Variants in CNTNAP2 observed in about 807,000 individuals in gnomAD.
CNTNAP2 encodes contactin associated protein 2.
Under a neutral mutation model 155.2 loss-of-function variants are expected in CNTNAP2, and 98 were observed. The ratio of observed to expected loss-of-function variants is 0.63; its 90% CI spans 0.54 to 0.75. CNTNAP2 has a LOEUF of 0.75. Ranked by LOEUF, CNTNAP2 falls within the 30% of genes least tolerant of loss-of-function variation. The pLI, the probability that CNTNAP2 is intolerant of heterozygous loss-of-function variation, is 0.00. For missense variants in CNTNAP2, 1,727 were observed against 1,688.1 expected (o/e 1.02, Z -0.40); for synonymous variants, 651 against 631.2 (o/e 1.03, Z -0.47).
intron 1 of CNTNAP2, among the ~76,000 whole-genome samples, chr7:146,534,236 A>AT (rs1257155114): frequency 2.6e-5 from 4 of 151,974 alleles, no homozygotes; most frequent in Non-Finnish European, 4.4e-5. Context: ...ATTGAACTTG[A>AT]TTTTTTTCTG....
intron 11 of CNTNAP2, among the ~76,000 whole-genome samples, chr7:147,510,849 C>CCATATA (rs1799003404): frequency 5.4e-5 from 1 of 18,590 alleles, no homozygotes; most frequent in African/African-American, 3.6e-4. Flanking sequence ...GGGCCTACAA[C>CCATATA]CATATATATA....
intron 3 of CNTNAP2, among the ~76,000 whole-genome samples, chr7:146,968,022 G>A (rs990743357): frequency 2.9e-5 from 4 of 139,020 alleles, no homozygotes; most frequent in East Asian, 1.9e-4. Flanking sequence ...AGCATGAAGC[G>A]GTGTTGAATT....
intron 10 of CNTNAP2, among the ~76,000 whole-genome samples, chr7:147,438,579 G>T (rs933255856): frequency 6.6e-6 from 1 of 151,804 alleles, no homozygotes; most frequent in Non-Finnish European, 1.5e-5. Context: ...TCTGGTTTTG[G>T]AATCAGGGTA....
chr7:148,304,040 C>G (rs1026652998), intron 21 of CNTNAP2, among the ~76,000 whole-genome samples: 2 of 152,238 alleles, frequency 1.3e-5, no homozygotes, highest in African/African-American at 4.8e-5. Flanking sequence ...TGCAACCTCC[C>G]TCCCTCTAGA....
chr7:146,276,634 G>A (rs1800169319), intron 1 of CNTNAP2, among the ~76,000 whole-genome samples: 1 of 152,164 alleles, frequency 6.6e-6, no homozygotes, highest in African/African-American at 2.4e-5. Flanking sequence ...GGCTGCTGAA[G>A]CCATAGCCTG....
chr7:148,198,565 C>A (rs571881113), intron 18 of CNTNAP2, among the ~76,000 whole-genome samples: 1 of 152,110 alleles, frequency 6.6e-6, no homozygotes. Flanking sequence ...GGATTGTGAC[C>A]GTATGTGTCC....
intron 9 of CNTNAP2, among the ~76,000 whole-genome samples, chr7:147,333,684 C>T (rs2620473): frequency 0.79 from 120,370 of 152,048 alleles, 48,329 homozygotes; most frequent in African/African-American, 0.93. Context: ...TTTTTCAAAA[C>T]AATTGGTTAA....
At chr7:146,518,669 A>G (rs1265649019) in intron 1 of CNTNAP2, among the ~76,000 whole-genome samples, 2 of 151,888 alleles carry the variant, frequency 1.3e-5, no homozygotes, top group Non-Finnish European at 2.9e-5. Context: ...AGGAGCATAA[A>G]CAGAGTGTAT....
chr7:146,668,267 T>A (rs926443892), intron 1 of CNTNAP2, among the ~76,000 whole-genome samples: 11 of 152,184 alleles, frequency 7.2e-5, no homozygotes, highest in African/African-American at 2.7e-4. Flanking sequence ...TAATGTATGA[T>A]GTTTATTGAT....
intron 13 of CNTNAP2, among the ~76,000 whole-genome samples, chr7:147,828,383 C>T (rs1384706327): frequency 6.6e-6 from 1 of 152,136 alleles, no homozygotes; most frequent in Admixed American, 6.5e-5. Flanking sequence ...GTAAAATGAG[C>T]CTCATAGAGG....
At chr7:146,541,159 G>C (rs1183186303) in intron 1 of CNTNAP2, among the ~76,000 whole-genome samples, 1 of 151,984 alleles carries the variant, frequency 6.6e-6, no homozygotes, top group Non-Finnish European at 1.5e-5. Flanking sequence ...GCTAAGGAAT[G>C]AATACAGAAT....
intron 13 of CNTNAP2, among the ~76,000 whole-genome samples, chr7:147,721,901 A>G (rs1279604752): frequency 2.0e-5 from 3 of 152,128 alleles, no homozygotes; most frequent in African/African-American, 7.2e-5. Context: ...TTCTAACTTC[A>G]TAGGCAATTG....
intron 13 of CNTNAP2, among the ~76,000 whole-genome samples, chr7:147,708,670 A>G (rs1796355034): frequency 6.6e-6 from 1 of 152,014 alleles, no homozygotes; most frequent in Non-Finnish European, 1.5e-5. Context: ...GGGGTCACTC[A>G]CTTACCCTTT....
chr7:146,157,329 G>C (rs199936214), intron 1 of CNTNAP2, among the ~76,000 whole-genome samples: 4 of 152,200 alleles, frequency 2.6e-5, no homozygotes, highest in Non-Finnish European at 5.9e-5. Context: ...AGCTCCCAGC[G>C]TGAGCAACGC....
chr7:146,139,169 C>A (rs867359197), intron 1 of CNTNAP2, among the ~76,000 whole-genome samples: 3 of 152,070 alleles, frequency 2.0e-5, no homozygotes, highest in Non-Finnish European at 2.9e-5. Flanking sequence ...TTCCTCCCAG[C>A]ATGTGAGAAA....
chr7:146,807,134 A>G (rs1802982324), intron 2 of CNTNAP2, among the ~76,000 whole-genome samples: 2 of 152,210 alleles, frequency 1.3e-5, no homozygotes, highest in African/African-American at 4.8e-5. Context: ...CATTTATTAT[A>G]AAACATTCAA....
chr7:147,574,792 A>C (rs1800356251), intron 12 of CNTNAP2, among the ~76,000 whole-genome samples: 5 of 152,014 alleles, frequency 3.3e-5, no homozygotes. Flanking sequence ...GGTTCTTCTC[A>C]ATGCAGGGAT....
At chr7:146,835,063 A>G (rs1803590326) in intron 2 of CNTNAP2, among the ~76,000 whole-genome samples, 1 of 152,200 alleles carries the variant, frequency 6.6e-6, no homozygotes, top group Non-Finnish European at 1.5e-5. Context: ...ATTTCTGCTA[A>G]GAAATACATT....
chr7:146,125,581 CAAAA>C (rs57234097), intron 1 of CNTNAP2, among the ~76,000 whole-genome samples: 7 of 58,872 alleles, frequency 1.2e-4, no homozygotes, highest in Middle Eastern at 0.014. Context: ...ACTCCGTCTC[CAAAA>C]AAAAAAAAAA....
Sources: allele counts gnomAD v4.1 joint callset (sites outside exome capture counted in the v4.1 genomes callset), GRCh38; gene constraint gnomAD v4.1.1; transcripts MANE v1.5; gene names NCBI Gene and HGNC (gene_info 2026-07-23, HGNC 2026-07-21).